The following MARCHF1 variants were observed in gnomAD, a reference collection of about 807,000 sequenced individuals.
MARCHF1 encodes E3 ubiquitin-protein ligase MARCHF1.
A neutral mutation model predicts 54.2 loss-of-function variants in MARCHF1; 40 were observed. The ratio of observed to expected loss-of-function variants is 0.74; its 90% CI spans 0.57 to 0.96. MARCHF1 has a LOEUF of 0.96. Among genes scored for constraint, MARCHF1 ranks in the 40% least tolerant of loss-of-function variants. The pLI, the probability that MARCHF1 is intolerant of heterozygous loss-of-function variation, is 0.00. For missense variants in MARCHF1, 586 were observed against 656.5 expected (o/e 0.89, Z 1.17); for synonymous variants, 236 against 236.3 (o/e 1.00, Z 0.01).
chr4:163,686,314 G>T (rs1427451296), intron 5 of MARCHF1, among the ~76,000 whole-genome samples: 1 of 151,670 alleles, frequency 6.6e-6, no homozygotes, highest in East Asian at 1.9e-4. Context: ...TTATACTTGG[G>T]CAGAAAAAGG....
At chr4:164,095,148 C>T in intron 2 of MARCHF1, among the ~76,000 whole-genome samples, 1 of 152,060 alleles carries the variant, frequency 6.6e-6, no homozygotes, top group Non-Finnish European at 1.5e-5. Context: ...TATGAGAGGT[C>T]TCCTTGAGTA....
chr4:163,637,323 G>T (rs1354762693), intron 5 of MARCHF1, among the ~76,000 whole-genome samples: 1 of 151,932 alleles, frequency 6.6e-6, no homozygotes, highest in African/African-American at 2.4e-5. Flanking sequence ...TACAAAATGG[G>T]AGAAAATTTT....
intron 3 of MARCHF1, among the ~76,000 whole-genome samples, chr4:163,972,942 A>G (rs184180247): frequency 5.7e-4 from 87 of 152,330 alleles, no homozygotes; most frequent in African/African-American, 1.9e-3. Context: ...CTAACAGTGT[A>G]ATTGTTATGG....
At chr4:163,533,678 A>AT (rs1227265234) in intron 9 of MARCHF1, among the ~76,000 whole-genome samples, 40 of 98,858 alleles carry the variant, frequency 4.0e-4, no homozygotes, top group Middle Eastern at 5.6e-3. Context: ...TCTTTTATAT[A>AT]TAATATATAT....
intron 9 of MARCHF1, among the ~76,000 whole-genome samples, chr4:163,537,812 G>A (rs2874348): frequency 0.4 from 60,188 of 151,962 alleles, 13,039 homozygotes; most frequent in Admixed American, 0.53. Flanking sequence ...ATCCCACAAG[G>A]AAGAGTGATA....
At chr4:164,300,811 A>C (rs1458041416) in intron 1 of MARCHF1, among the ~76,000 whole-genome samples, 4 of 152,194 alleles carry the variant, frequency 2.6e-5, no homozygotes, top group African/African-American at 9.7e-5. Flanking sequence ...AAGTAATACT[A>C]GTTTGAAGGC....
At chr4:163,631,003 G>A (rs1241697755) in intron 5 of MARCHF1, among the ~76,000 whole-genome samples, 1 of 152,120 alleles carries the variant, frequency 6.6e-6, no homozygotes, top group Non-Finnish European at 1.5e-5. Flanking sequence ...GAATGTAAGT[G>A]TCTGTGGTTT....
At chr4:163,786,745 T>A (rs1747632088) in intron 4 of MARCHF1, among the ~76,000 whole-genome samples, 1 of 151,862 alleles carries the variant, frequency 6.6e-6, no homozygotes, top group Non-Finnish European at 1.5e-5. Context: ...ATCCTAAAAT[T>A]TAGATGGAAT....
chr4:164,221,307 G>T (rs1345113232), intron 1 of MARCHF1, among the ~76,000 whole-genome samples: 1 of 151,840 alleles, frequency 6.6e-6, no homozygotes, highest in African/African-American at 2.4e-5. Context: ...GGGAGATCAG[G>T]TATCTAGTGG....
chr4:164,060,430 T>A (rs1754590268), intron 2 of MARCHF1, among the ~76,000 whole-genome samples: 1 of 152,114 alleles, frequency 6.6e-6, no homozygotes, highest in Non-Finnish European at 1.5e-5. Flanking sequence ...AGAAAATAGT[T>A]CATCAAATAA....
chr4:163,651,803 T>G (rs1444591593), intron 5 of MARCHF1, among the ~76,000 whole-genome samples: 1 of 151,598 alleles, frequency 6.6e-6, no homozygotes, highest in Non-Finnish European at 1.5e-5. Flanking sequence ...TCCACTTTTT[T>G]TTTTTTTAAA....
chr4:163,754,639 A>G (rs549030412), intron 4 of MARCHF1, among the ~76,000 whole-genome samples: 4 of 152,312 alleles, frequency 2.6e-5, no homozygotes, highest in East Asian at 1.9e-4. Context: ...CATTCTTCCC[A>G]TCACCTAAAT....
At chr4:164,260,541 A>G (rs1460619702) in intron 1 of MARCHF1, among the ~76,000 whole-genome samples, 1 of 152,014 alleles carries the variant, frequency 6.6e-6, no homozygotes, top group Non-Finnish European at 1.5e-5. Context: ...CAGGGGCCTC[A>G]CATTAGATGT....
intron 1 of MARCHF1, among the ~76,000 whole-genome samples, chr4:164,232,145 C>T (rs551147702): frequency 6.6e-6 from 1 of 152,162 alleles, no homozygotes; most frequent in African/African-American, 2.4e-5. Context: ...TTTAGTAAAA[C>T]CTAATTTTAA....
chr4:164,160,049 T>G (rs900147376), intron 1 of MARCHF1, among the ~76,000 whole-genome samples: 2 of 102,732 alleles, frequency 1.9e-5, no homozygotes, highest in African/African-American at 1.4e-4. Context: ...ACAGACTCTA[T>G]TTTTTTTATT....
intron 4 of MARCHF1, among the ~76,000 whole-genome samples, chr4:163,705,091 A>G (rs886340777): frequency 6.6e-6 from 1 of 151,808 alleles, no homozygotes; most frequent in African/African-American, 2.4e-5. Flanking sequence ...AGAAAAAGAG[A>G]AAAACATAAG....
intron 2 of MARCHF1, among the ~76,000 whole-genome samples, chr4:164,046,595 T>C (rs1465521830): frequency 6.6e-6 from 1 of 152,210 alleles, no homozygotes; most frequent in Non-Finnish European, 1.5e-5. Context: ...ATACTTGAAA[T>C]TATAGCTTAT....
At chr4:163,673,859 T>C (rs1743815706) in intron 5 of MARCHF1, among the ~76,000 whole-genome samples, 1 of 152,200 alleles carries the variant, frequency 6.6e-6, no homozygotes, top group Non-Finnish European at 1.5e-5. Flanking sequence ...CTGCCAGTCC[T>C]TTTATGATGA....
intron 4 of MARCHF1, among the ~76,000 whole-genome samples, chr4:163,790,256 C>T (rs1297246602): frequency 6.6e-6 from 1 of 152,038 alleles, no homozygotes; most frequent in African/African-American, 2.4e-5. Context: ...GTAATCTTTC[C>T]CAAAAAGTCA....
Sources: gnomAD v4.1 joint callset for allele counts (sites outside exome capture counted in the v4.1 genomes callset) on GRCh38, gnomAD v4.1.1 for gene constraint, MANE v1.5 for transcripts, NCBI Gene and HGNC (gene_info 2026-07-23, HGNC 2026-07-21) for gene names.